Variants in UBR1 observed in about 807,000 individuals in gnomAD.
UBR1 encodes ubiquitin protein ligase E3 component n-recognin 1.
A neutral mutation model predicts 242.1 loss-of-function variants in UBR1; 102 were observed. The observed-to-expected ratio is 0.42, with a 90% CI of 0.36 to 0.50. The LOEUF is 0.50. Among genes scored for constraint, UBR1 ranks in the 20% least tolerant of loss-of-function variants. UBR1 has a pLI of 0.01. For missense variants in UBR1, 1,772 were observed against 2,101.8 expected (o/e 0.84, Z 3.07); for synonymous variants, 675 against 684.8 (o/e 0.99, Z 0.22).
intron 27 of UBR1, among the ~76,000 whole-genome samples, chr15:43,017,448 T>C (rs951378929): frequency 2.0e-5 from 3 of 152,166 alleles, no homozygotes; most frequent in Non-Finnish European, 1.5e-5. Flanking sequence ...TCAAGAGATT[T>C]GCCAGGAAAC....
At chr15:42,998,325 G>T in intron 32 of UBR1, 60 bp from the exon 33 acceptor site, 1 of 1,434,828 alleles carries the variant, frequency 7.0e-7, no homozygotes, top group South Asian at 1.2e-5. Flanking sequence ...TGGAAAAGCT[G>T]AATTTGTATT....
At position 43,025,365 on chromosome 15, in the gene UBR1, G is replaced by A. The variant is rs2033165913; in HGVS notation, c.2584+16C>T. 6.2e-7 allele frequency: 1 copy of A among 1,603,438 alleles called. No individual in the cohort carries two copies. The highest frequency in any genetic ancestry group is 1.7e-5 in the Admixed American group (1 of 59,394). ...AAAATAGTCAAAATGAGTCAATTCA[G>A]AATCTCACTTTTTACCTTCATCTTT... On this transcript the variant is annotated intron_variant, in intron 24 of 46. Transcript: ENST00000290650.
intron 39 of UBR1, among the ~76,000 whole-genome samples, chr15:42,974,497 A>G (rs1567112830): frequency 6.6e-6 from 1 of 152,198 alleles, no homozygotes; most frequent in Non-Finnish European, 1.5e-5. Context: ...AAGGTTGGGT[A>G]GTGTCAACCC....
At chr15:43,092,259 C>T (rs1316548797) in intron 1 of UBR1, among the ~76,000 whole-genome samples, 1 of 152,138 alleles carries the variant, frequency 6.6e-6, no homozygotes, top group African/African-American at 2.4e-5. Flanking sequence ...CTTCACTGAT[C>T]AGCCCAAGAA....
At chr15:43,049,684 C>T (rs1309436501) in intron 12 of UBR1, among the ~76,000 whole-genome samples, 1 of 152,118 alleles carries the variant, frequency 6.6e-6, no homozygotes, top group East Asian at 1.9e-4. Context: ...TGCAAATGTA[C>T]ATTAAAAATA....
intron 32 of UBR1, among the ~76,000 whole-genome samples, chr15:42,999,939 C>G (rs1340091908): frequency 6.6e-6 from 1 of 151,874 alleles, no homozygotes; most frequent in East Asian, 1.9e-4. Flanking sequence ...CCAAAATTTA[C>G]CTATCTGGGC....
At chr15:42,982,044 T>C (rs1010349550) in intron 37 of UBR1, among the ~76,000 whole-genome samples, 3 of 152,236 alleles carry the variant, frequency 2.0e-5, no homozygotes, top group Non-Finnish European at 4.4e-5. Flanking sequence ...TCTCCTTCTT[T>C]GGTGCTTTTT....
chr15:43,017,686 T>TG (rs1302880734), intron 27 of UBR1, among the ~76,000 whole-genome samples: 1 of 151,720 alleles, frequency 6.6e-6, no homozygotes, highest in African/African-American at 2.4e-5. Context: ...GACCCATGCC[T>TG]GTGATGCCAG....
At chr15:43,043,852 A>C (rs2033450772) in intron 14 of UBR1, among the ~76,000 whole-genome samples, 1 of 152,234 alleles carries the variant, frequency 6.6e-6, no homozygotes, top group African/African-American at 2.4e-5. Flanking sequence ...GAAACATAAG[A>C]TATACCTATA....
In UBR1 at chr15:43,097,952, A is replaced by T. The variant is rs545389199; in HGVS notation, c.81+7990T>A. On this transcript the variant is annotated intron_variant, in intron 1 of 46. Transcript: ENST00000290650. ...TTCCTCTGCATTCACAACTTGGCTA[A>T]CTGCTTGGCACAAGAGGCATAACTC... 2.0e-5 allele frequency among the ~76,000 whole-genome samples: 3 copies of T among 152,270 alleles called. No homozygotes were observed. In the South Asian group the frequency reaches 6.2e-4, roughly 32 times the overall value.
intron 6 of UBR1, among the ~76,000 whole-genome samples, chr15:43,065,367 T>C (rs935933807): frequency 7.9e-5 from 12 of 152,192 alleles, no homozygotes; most frequent in African/African-American, 2.7e-4. Context: ...TTCCTTTTTT[T>C]CTCCAACTTT....
At chr15:42,950,225 T>C in intron 46 of UBR1, 37 bp downstream of exon 46, 1 of 1,523,842 alleles carries the variant, frequency 6.6e-7, no homozygotes, top group Non-Finnish European at 9.1e-7. Context: ...AAAAGAGAAC[T>C]TACTGAAACC....
chr15:43,014,946 G>T (rs1040086492), intron 29 of UBR1, among the ~76,000 whole-genome samples: 1 of 144,318 alleles, frequency 6.9e-6, no homozygotes, highest in Non-Finnish European at 1.5e-5. Flanking sequence ...GCCCCCGCCC[G>T]GCCAGCTGCC....
At chr15:43,093,125 T>C (rs573785158) in intron 1 of UBR1, among the ~76,000 whole-genome samples, 77 of 152,314 alleles carry the variant, frequency 5.1e-4, no homozygotes, top group African/African-American at 1.7e-3. Flanking sequence ...GTTCTCAACA[T>C]TAAAATTCCC....
At chr15:43,026,787 T>G in intron 22 of UBR1, 124 bp from the exon 23 acceptor site, 1 of 775,576 alleles carries the variant, frequency 1.3e-6, no homozygotes, top group South Asian at 1.6e-5. Flanking sequence ...CTCATTTAGC[T>G]TATGAAAAAT....
At chr15:42,987,482 G>A (rs1567116607) in intron 35 of UBR1, among the ~76,000 whole-genome samples, 1 of 152,208 alleles carries the variant, frequency 6.6e-6, no homozygotes, top group Non-Finnish European at 1.5e-5. Context: ...TTGGGAGGCT[G>A]AGGCGGGAGG....
At chr15:42,960,833 A>C in intron 42 of UBR1, 132 bp from the exon 43 acceptor site, 1 of 895,456 alleles carries the variant, frequency 1.1e-6, no homozygotes, top group Non-Finnish European at 1.7e-6. Context: ...CAGTGGCAGC[A>C]ATCTCGGCTC....
chr15:42,960,780 T>G lies in UBR1; in HGVS notation c.4701-79A>C, dbSNP rs968822350. On this transcript the variant is annotated intron_variant, in intron 42 of 46. Coordinates refer to ENST00000290650, the MANE Select transcript of UBR1 (RefSeq NM_174916.3). ...GATTTGTCAACAAGCCATTCTCTTT[T>G]TTTTTTGAGATGGATTCTCACTCTT... 1.4e-4 allele frequency: 209 copies of G among 1,467,182 alleles called. No individual in the cohort carries two copies. In the African/African-American group the frequency reaches 2.5e-3, roughly 17 times the overall value. The allele number at this position is 1,467,182 out of a possible 1,614,324, so 90.9% of individuals were successfully genotyped here. A position where few individuals can be genotyped will look rare whatever the true frequency, so the allele number is the denominator to read the frequency against.
intron 19 of UBR1, among the ~76,000 whole-genome samples, chr15:43,034,174 G>A (rs1253933540): frequency 1.3e-5 from 2 of 151,790 alleles, no homozygotes; most frequent in Non-Finnish European, 2.9e-5. Flanking sequence ...GGAGGTGGAG[G>A]CTGCAGTGAG....
Sources: allele counts gnomAD v4.1 joint callset (sites outside exome capture counted in the v4.1 genomes callset), GRCh38; gene constraint gnomAD v4.1.1; transcripts MANE v1.5; gene names NCBI Gene and HGNC (gene_info 2026-07-23, HGNC 2026-07-21).